MTMR14: variants seen among roughly 807,000 people sequenced by gnomAD.
MTMR14 encodes the protein phosphatidylinositol-3,5-bisphosphate 3-phosphatase MTMR14.
A neutral mutation model predicts 86.3 loss-of-function variants in MTMR14; 48 were observed. The observed-to-expected ratio is 0.56, with a 90% CI of 0.44 to 0.71. The LOEUF (loss-of-function observed/expected upper bound fraction) is 0.71. MTMR14 is among the 30% of genes least tolerant of loss of function. The probability of loss-of-function intolerance (pLI) is 0.00; values close to 1 mark genes in which losing one functional copy is unlikely to be tolerated. For synonymous variants in MTMR14, 366 were observed against 326.1 expected (o/e 1.12, Z -1.32); for missense variants, 780 against 834.6 (o/e 0.93, Z 0.81).
Position 9,702,237 on chromosome 3 carries a change from A to G in MTMR14, c.*264A>G. 1 of 544,450 alleles carries G rather than the reference A, an allele frequency of 1.8e-6. No homozygotes were observed. The highest frequency in any genetic ancestry group is 3.3e-6 in the Non-Finnish European group (1 of 301,062). 33.7% of individuals were successfully genotyped at this position (544,450 alleles called of 1,614,324 possible). On this transcript the variant is annotated 3_prime_UTR_variant, in exon 19 of 19. Coordinates refer to ENST00000296003, the MANE Select transcript of MTMR14 (RefSeq NM_001077525.3). ...TGCTGGGATTCCCATCAACTCTCAGAACTGTGTGGGGTTTCCCTGGGGCCT... is the reference window on the plus strand; with the variant it reads ...TGCTGGGATTCCCATCAACTCTCAGGACTGTGTGGGGTTTCCCTGGGGCCT...
chr3:9,655,824 A>G (rs2047569466), intron 2 of MTMR14, among the ~76,000 whole-genome samples: 1 of 152,006 alleles, frequency 6.6e-6, no homozygotes, highest in African/African-American at 2.4e-5. Context: ...GAGCCAGAGA[A>G]GGTTTACAGC....
chr3:9,671,834 A>G (rs2048581534), intron 6 of MTMR14, among the ~76,000 whole-genome samples: 1 of 152,228 alleles, frequency 6.6e-6, no homozygotes, highest in South Asian at 2.1e-4. Flanking sequence ...TGTTTTTTAA[A>G]TGATTTTTAA....
chr3:9,650,380 C>A, intron 1 of MTMR14: 1 of 456,658 alleles, frequency 2.2e-6, no homozygotes, highest in South Asian at 1.5e-5. Context: ...CCATCCCCAC[C>A]CTAAGCACTG....
In MTMR14 at chr3:9,690,071, G is replaced by T. The variant is rs761349238; in HGVS notation, c.1541G>T (p.Ser514Ile). 1.2e-6 allele frequency: 2 copies of T among 1,613,480 alleles called. No homozygotes were observed. The highest frequency in any genetic ancestry group is 1.7e-6 in the Non-Finnish European group (2 of 1,180,014). Residue 514 changes from serine (S) to isoleucine (I), a missense_variant, in exon 17 of 19, where the codon AGC becomes ATC. By Grantham distance (142) the Ser-to-Ile change is moderately radical (BLOSUM62 -2). Transcript: ENST00000296003. ...QQGLAEARSSSSSSSNHSDNF... is the reference protein window; with the variant it reads ...QQGLAEARSSISSSSNHSDNF... The stretch of plus-strand genomic sequence containing the variant: ...GGGCTGGCGGAAGCCAGGTCTTCCA[G>T]CTCCTCTTCCTCAAACCATTCTGAT...
At chr3:9,695,765 C>T (rs1409748522) in intron 17 of MTMR14, among the ~76,000 whole-genome samples, 2 of 152,202 alleles carry the variant, frequency 1.3e-5, no homozygotes, top group African/African-American at 4.8e-5. Context: ...TGTTGTTTTC[C>T]CACAAGCTGC....
intron 7 of MTMR14, chr3:9,675,424 A>C: frequency 3.1e-6 from 1 of 319,422 alleles, no homozygotes; most frequent in South Asian, 2.7e-5. Context: ...AAGGAATCTC[A>C]GTTGAGCCCT....
chr3:9,697,021 C>T (rs1307391030), intron 17 of MTMR14, among the ~76,000 whole-genome samples: 1 of 152,134 alleles, frequency 6.6e-6, no homozygotes, highest in African/African-American at 2.4e-5. Flanking sequence ...TTCCTCCCAC[C>T]CCCAAAACCT....
chr3:9,650,945 C>A (rs1234781618), intron 1 of MTMR14, among the ~76,000 whole-genome samples: 1 of 152,074 alleles, frequency 6.6e-6, no homozygotes, highest in African/African-American at 2.4e-5. Context: ...CCCACCACCA[C>A]GCCCAGCTAA....
At position 9,701,937 on chromosome 3, in the gene MTMR14, T is replaced by C; in HGVS notation, c.1917T>C (p.Gly639=). 1 of 1,614,208 alleles carries C rather than the reference T, an allele frequency of 6.2e-7. No homozygotes were observed. Among genetic ancestry groups the C allele is most frequent in the Non-Finnish European group, 8.5e-7 (1 of 1,180,036 alleles). The part of the protein sequence containing the change: ...IGGLLEQFAR[G]VGLRSISSNA... ...GCCTGCTGGAGCAATTTGCCCGTGG[T>C]GTTGGACTCCGGAGCATCAGCAGCA... Residue 639 remains glycine, a synonymous_variant, in exon 19 of 19, where the codon GGT becomes GGC. Transcript: ENST00000296003. This position sits in a 1 kb window ranked among gnomAD's most constrained non-coding sequence, Gnocchi z 4.2.
chr3:9,655,993 G>A (rs906566815), intron 2 of MTMR14, among the ~76,000 whole-genome samples: 4 of 151,896 alleles, frequency 2.6e-5, no homozygotes, highest in Non-Finnish European at 5.9e-5. Flanking sequence ...TCAGGAGATT[G>A]AGACCATCCT....
At chr3:9,679,829 G>A (rs1212431876) in intron 9 of MTMR14, among the ~76,000 whole-genome samples, 1 of 152,204 alleles carries the variant, frequency 6.6e-6, no homozygotes, top group African/African-American at 2.4e-5. Context: ...AGTGAACACT[G>A]AAACTTCCAG....
intron 3 of MTMR14, among the ~76,000 whole-genome samples, chr3:9,667,506 AAAGTT>A (rs1375515411): frequency 6.6e-6 from 1 of 152,110 alleles, no homozygotes; most frequent in African/African-American, 2.4e-5. Context: ...AGACCCACAG[AAAGTT>A]AAGTGGCCCC....
intron 3 of MTMR14, among the ~76,000 whole-genome samples, chr3:9,667,069 A>T (rs1201483842): frequency 6.6e-6 from 1 of 152,160 alleles, no homozygotes; most frequent in Non-Finnish European, 1.5e-5. Flanking sequence ...AATAGAAGGG[A>T]TGTGGAAGAA....
In MTMR14 at chr3:9,697,737, CCTCT is replaced by C. The variant is rs748143424; in HGVS notation, c.1646_1649del (p.Leu549ProfsTer10). 1 of 1,614,100 alleles carries C rather than the reference CCTCT, an allele frequency of 6.2e-7. No individual in the cohort carries two copies. The highest frequency in any genetic ancestry group is 1.6e-4 in the Middle Eastern group (1 of 6,062). ...TCAGTGGACCATCCCCTGCCCGGAT[CCTCT>C]CTCTCCACAGACTATGGCAGCTGGC... On this transcript the variant is annotated frameshift_variant, in exon 18 of 19. Transcript: ENST00000296003. LOFTEE classifies it high-confidence loss of function.
chr3:9,655,805 G>A (rs996488295), intron 2 of MTMR14, among the ~76,000 whole-genome samples: 1 of 152,004 alleles, frequency 6.6e-6, no homozygotes, highest in Non-Finnish European at 1.5e-5. Context: ...CGCTGCTGCA[G>A]GCCATGGGGA....
chr3:9,701,802 G>A lies in MTMR14; in HGVS notation c.1782G>A (p.Leu594=). ...GACCTCCCCATAGGCTTGCAGCCCT[G>A]AGTGATCGAGAGACTCGGCTGCAGG... ...ELPNSCLLAA[L]SDRETRLQEV... is the part of the protein sequence containing the mutation. Residue 594 remains leucine (L), a synonymous_variant, in exon 19 of 19, where the codon CTG becomes CTA. Transcript: ENST00000296003. This position sits in a 1 kb window ranked among gnomAD's most constrained non-coding sequence, Gnocchi z 4.2. 1 of 1,613,828 alleles carries A rather than the reference G, an allele frequency of 6.2e-7. No homozygotes were observed. The highest frequency in any genetic ancestry group is 8.5e-7 in the Non-Finnish European group (1 of 1,180,044).
chr3:9,699,120 CGA>C (rs1483225592), intron 18 of MTMR14, among the ~76,000 whole-genome samples: 1 of 149,968 alleles, frequency 6.7e-6, no homozygotes, highest in Non-Finnish European at 1.5e-5. Flanking sequence ...TGCCGTGAGT[CGA>C]GATCATGCCA....
chr3:9,650,613 C>G, intron 1 of MTMR14: 1 of 271,372 alleles, frequency 3.7e-6, no homozygotes, highest in Non-Finnish European at 7.7e-6. Context: ...CTTCCTCACT[C>G]TCCAAATGGC....
chr3:9,690,488 T>C (rs762658544), intron 17 of MTMR14, among the ~76,000 whole-genome samples: 25 of 152,318 alleles, frequency 1.6e-4, no homozygotes, highest in Middle Eastern at 6.8e-3. Context: ...AGATCTAGAT[T>C]CTGAGTCCCT....
Sources: allele counts gnomAD v4.1 joint callset (sites outside exome capture counted in the v4.1 genomes callset), GRCh38; gene constraint gnomAD v4.1.1; non-coding constraint Gnocchi (gnomAD v3.1); transcripts MANE v1.5; gene names NCBI Gene and HGNC (gene_info 2026-07-23, HGNC 2026-07-21).